The following FBXW12 variants were observed in gnomAD, a reference collection of about 807,000 sequenced individuals.
FBXW12 encodes the protein F-box and WD repeat domain containing 12, also known as F-box/WD repeat-containing protein 12.
FBXW12 carries 43 observed loss-of-function variants against 55.3 expected under a neutral mutation model. That is an observed-to-expected ratio of 0.78 (90% confidence interval 0.61 to 1.00). The LOEUF is 1.00. FBXW12 is among the 50% of genes least tolerant of loss of function. FBXW12 has a pLI of 0.00. For synonymous variants in FBXW12, 184 were observed against 203.8 expected (o/e 0.90, Z 0.83); for missense variants, 524 against 560.5 (o/e 0.93, Z 0.66).
At chr3:48,384,295 G>A (rs2036815209) in intron 10 of FBXW12, among the ~76,000 whole-genome samples, 1 of 151,956 alleles carries the variant, frequency 6.6e-6, no homozygotes, top group South Asian at 2.1e-4. Flanking sequence ...CGTGGTTTTG[G>A]TGCTATTATA....
chr3:48,373,199 T>G, intron 2 of FBXW12, 109 bp from the exon 3 acceptor site: 5 of 1,528,198 alleles, frequency 3.3e-6, no homozygotes, highest in Non-Finnish European at 4.5e-6. Context: ...TGGAATCCCA[T>G]CTGATTAACC....
intron 8 of FBXW12, among the ~76,000 whole-genome samples, chr3:48,381,178 A>G (rs1242812855): frequency 6.6e-6 from 1 of 152,060 alleles, no homozygotes; most frequent in Non-Finnish European, 1.5e-5. Context: ...GCCCGCCACC[A>G]TACCCGGCTA....
At chr3:48,373,527 G>T in intron 3 of FBXW12, 21 bp from the exon 4 acceptor site, 3 of 1,609,824 alleles carry the variant, frequency 1.9e-6, no homozygotes, top group Non-Finnish European at 2.5e-6. Flanking sequence ...CAGCCTGATG[G>T]GACTGTGACT....
chr3:48,379,226 T>A (rs2036728768), intron 6 of FBXW12, among the ~76,000 whole-genome samples, 174 bp from the exon 7 acceptor site: 1 of 152,148 alleles, frequency 6.6e-6, no homozygotes, highest in African/African-American at 2.4e-5. Context: ...TTGGAAAGTT[T>A]TATTCCATGG....
At position 48,380,929 on chromosome 3, in the gene FBXW12, T is replaced by C; in HGVS notation, c.985+17T>C. On this transcript the variant is annotated intron_variant, in intron 8 of 10. Transcript: ENST00000296438. ...TCATCCAAGGTAGGCTGTGCCACAT[T>C]AGAAACGCTTGTTTCTCTTCCTCAT... is the stretch of plus-strand genomic sequence containing the variant. The C allele has an allele frequency of 6.2e-7, 1 of 1,603,196 alleles. No individual in the cohort carries two copies. Among genetic ancestry groups the C allele is most frequent in the Non-Finnish European group, 8.5e-7 (1 of 1,170,678 alleles).
rs1472811601 is a variant in FBXW12 at position 48,373,699 on chromosome 3, A to G, written c.280A>G (p.Asn94Asp). ...TAACTTTATCTACAAAGTAACTAAGAACATCGGTATGGGTATAGGTGCCCT... is the reference window on the plus strand; with the variant it reads ...TAACTTTATCTACAAAGTAACTAAGGACATCGGTATGGGTATAGGTGCCCT... ...PHNFIYKVTK[N>D]IAFETELAYL... Residue 94 changes from asparagine to aspartate, a missense_variant, in exon 4 of 11, where the codon AAC becomes GAC. By Grantham distance (23) the Asn-to-Asp change is conservative. Coordinates refer to ENST00000296438, the MANE Select transcript of FBXW12 (RefSeq NM_207102.2). 4.3e-6 allele frequency: 7 copies of G among 1,613,720 alleles called. No individual in the cohort carries two copies. Among genetic ancestry groups the G allele is most frequent in the Admixed American group, 3.3e-5 (2 of 59,988 alleles).
At chr3:48,381,028 T>G (rs1488798330) in intron 8 of FBXW12, 116 bp downstream of exon 8, 11 of 847,600 alleles carry the variant, frequency 1.3e-5, no homozygotes, top group Admixed American at 2.9e-5. Context: ...TCTAGTTTTT[T>G]TTTTTTTTTT....
Position 48,381,703 on chromosome 3 carries a change from A to G in FBXW12, c.989A>G (p.Tyr330Cys). The G allele has an allele frequency of 6.4e-7, 1 of 1,569,230 alleles. No individual in the cohort carries two copies. Among genetic ancestry groups the G allele is most frequent in the Non-Finnish European group, 8.6e-7 (1 of 1,158,730 alleles). ...KTGGQTVIQA[Y>C]EIASFQVAAH... Reference sequence around the variant, plus strand: ...TGTGCGTTTTACATGAAAACAGCATATGAGATCGCAAGTTTCCAGGTGGCA... The same window carrying G: ...TGTGCGTTTTACATGAAAACAGCATGTGAGATCGCAAGTTTCCAGGTGGCA... Residue 330 changes from tyrosine to cysteine, a missense_variant, in exon 9 of 11, where the codon TAT becomes TGT. Transcript: ENST00000296438.
At chr3:48,389,319 C>T (rs2036887483) in intron 10 of FBXW12, among the ~76,000 whole-genome samples, 1 of 152,040 alleles carries the variant, frequency 6.6e-6, no homozygotes, top group South Asian at 2.1e-4. Context: ...TATTTTCTAC[C>T]ATTCTATAGG....
chr3:48,393,847 C>T (rs939059240), intron 10 of FBXW12, among the ~76,000 whole-genome samples: 3 of 148,782 alleles, frequency 2.0e-5, no homozygotes, highest in South Asian at 2.1e-4. Context: ...AGCGCGATCT[C>T]GGCTCACTAC....
intron 5 of FBXW12, among the ~76,000 whole-genome samples, chr3:48,376,035 G>A (rs541150694): frequency 2.0e-3 from 254 of 125,034 alleles, no homozygotes; most frequent in Middle Eastern, 0.013. Flanking sequence ...AGGCTGGAGT[G>A]TAGTGGCGCG....
intron 10 of FBXW12, among the ~76,000 whole-genome samples, chr3:48,383,312 C>A (rs1250339691): frequency 1.3e-5 from 2 of 151,966 alleles, no homozygotes; most frequent in Non-Finnish European, 1.5e-5. Context: ...TATAGTGATA[C>A]CTCATTGTGA....
chr3:48,375,594 AG>A (rs1276083342), intron 5 of FBXW12, 122 bp downstream of exon 5: 10 of 639,854 alleles, frequency 1.6e-5, no homozygotes, highest in Non-Finnish European at 2.5e-5. Flanking sequence ...GTGTCAAATC[AG>A]GTTTTCTATC....
rs777630169 is a variant in FBXW12 at position 48,380,691 on chromosome 3, G to C, written c.775-11G>C. On this transcript the variant is annotated splice_polypyrimidine_tract_variant and intron_variant, in intron 7 of 10. Coordinates refer to ENST00000296438, the MANE Select transcript of FBXW12 (RefSeq NM_207102.2). ...CCCTGCCCCTGACCATGCATGCGATGCTCTCTTTAGGTATTCCTCACAGAG... is the reference window on the plus strand; with the variant it reads ...CCCTGCCCCTGACCATGCATGCGATCCTCTCTTTAGGTATTCCTCACAGAG... 6.0e-5 allele frequency: 96 copies of C among 1,604,672 alleles called. No individual in the cohort carries two copies. The highest frequency in any genetic ancestry group is 8.1e-5 in the Non-Finnish European group (95 of 1,171,488).
At position 48,379,382 on chromosome 3, in the gene FBXW12, G is replaced by A. The variant is rs560984920; in HGVS notation, c.616-18G>A. The A allele has an allele frequency of 1.2e-6, 2 of 1,613,248 alleles. No individual in the cohort carries two copies. The highest frequency in any genetic ancestry group is 1.7e-5 in the Admixed American group (1 of 60,000). Reference sequence around the variant, plus strand: ...CACATATCTTCCTATTGATATGGTGGGGATGCTTTGGTTTCAGGTTGGCGA... The same window carrying A: ...CACATATCTTCCTATTGATATGGTGAGGATGCTTTGGTTTCAGGTTGGCGA... On this transcript the variant is annotated intron_variant, in intron 6 of 10. Coordinates refer to ENST00000296438, the MANE Select transcript of FBXW12 (RefSeq NM_207102.2).
intron 5 of FBXW12, among the ~76,000 whole-genome samples, chr3:48,378,098 G>A (rs62264262): frequency 2.6e-5 from 4 of 152,120 alleles, no homozygotes; most frequent in Non-Finnish European, 5.9e-5. Context: ...CATTCTTTGC[G>A]CCTGTTATGT....
chr3:48,379,716 C>T, intron 7 of FBXW12, 158 bp downstream of exon 7: 1 of 627,338 alleles, frequency 1.6e-6, no homozygotes, highest in Non-Finnish European at 2.8e-6. Flanking sequence ...GGAAACAATG[C>T]TCTTTGAAGT....
At chr3:48,388,820 G>A (rs1326009069) in intron 10 of FBXW12, among the ~76,000 whole-genome samples, 1 of 151,968 alleles carries the variant, frequency 6.6e-6, no homozygotes, top group Non-Finnish European at 1.5e-5. Context: ...GATCAAATCG[G>A]GCTAATTAAC....
At chr3:48,377,280 A>C (rs1288087302) in intron 5 of FBXW12, among the ~76,000 whole-genome samples, 12 of 152,210 alleles carry the variant, frequency 7.9e-5, no homozygotes, top group Non-Finnish European at 1.6e-4. Context: ...TGCAACCAAT[A>C]GGATATTGTG....
Sources: gnomAD v4.1 joint callset for allele counts (sites outside exome capture counted in the v4.1 genomes callset) on GRCh38, gnomAD v4.1.1 for gene constraint, MANE v1.5 for transcripts, NCBI Gene and HGNC (gene_info 2026-07-23, HGNC 2026-07-21) for gene names.